The following SUMF1 variants were observed in gnomAD, a reference collection of about 807,000 sequenced individuals.
SUMF1 encodes the protein sulfatase modifying factor 1.
A neutral mutation model predicts 47.6 loss-of-function variants in SUMF1; 48 were observed. That is an observed-to-expected ratio of 1.01 (90% CI 0.80 to 1.28). The LOEUF (loss-of-function observed/expected upper bound fraction) is 1.28. Among genes scored for constraint, SUMF1 ranks in the 50% most tolerant of loss-of-function variants. SUMF1 has a pLI of 0.00. For missense variants in SUMF1, 571 were observed against 485.4 expected (o/e 1.18, Z -1.66); for synonymous variants, 230 against 192.1 (o/e 1.20, Z -1.63).
At chr3:4,301,338 AG>A (rs2125064142) in intron 8 of SUMF1, among the ~76,000 whole-genome samples, 1 of 152,326 alleles carries the variant, frequency 6.6e-6, no homozygotes, top group Non-Finnish European at 1.5e-5. Context: ...CCAAGGAAAT[AG>A]GTAAAGTCTG....
At chr3:4,178,077 A>T (rs900416780) in intron 8 of SUMF1, among the ~76,000 whole-genome samples, 2 of 152,160 alleles carry the variant, frequency 1.3e-5, no homozygotes, top group Non-Finnish European at 2.9e-5. Flanking sequence ...AAAGTCCAGG[A>T]CCAGACAGAT....
intron 4 of SUMF1, 92 bp downstream of exon 4, chr3:4,419,972 G>T: frequency 3.1e-6 from 3 of 971,360 alleles, no homozygotes; most frequent in South Asian, 2.7e-5. Context: ...TCATTTTATA[G>T]ATGAAGATGC....
Position 4,109,102 on chromosome 3 carries a change from T to A in SUMF1, c.1015-40357A>T, listed in dbSNP as rs183859924. ...CATGTTTAGTGCTTCCTTCAGGAGCTCTTTTAGGGCAGGCCTGGTGGTGAC... is the reference window on the plus strand; with the variant it reads ...CATGTTTAGTGCTTCCTTCAGGAGCACTTTTAGGGCAGGCCTGGTGGTGAC... On this transcript the variant is annotated intron_variant and NMD_transcript_variant, in intron 8 of 12. Coordinates refer to the SUMF1 transcript ENST00000448413. Among the ~76,000 whole-genome samples, 1,135 of 152,224 alleles carry A rather than the reference T, an allele frequency of 7.5e-3. 6 individuals are homozygous for A. Among genetic ancestry groups the A allele is most frequent in the Non-Finnish European group, 0.012 (784 of 68,030 alleles).
intron 7 of SUMF1, among the ~76,000 whole-genome samples, chr3:4,409,051 G>A (rs1701460748): frequency 6.6e-6 from 1 of 152,090 alleles, no homozygotes; most frequent in Non-Finnish European, 1.5e-5. Flanking sequence ...AGGCATTAAA[G>A]GATTTTAAAC....
At chr3:4,138,694 G>C (rs909538005) in intron 8 of SUMF1, among the ~76,000 whole-genome samples, 1 of 151,952 alleles carries the variant, frequency 6.6e-6, no homozygotes, top group Non-Finnish European at 1.5e-5. Context: ...TTCCTATTTG[G>C]GCCCCTTTCA....
chr3:4,229,242 G>C (rs1019158290), intron 8 of SUMF1: 2 of 285,094 alleles, frequency 7.0e-6, no homozygotes, highest in African/African-American at 4.6e-5. Context: ...GTTGTCACAA[G>C]AATCCACTGC....
At position 4,152,446 on chromosome 3, in the gene SUMF1, C is replaced by A. The variant is rs538986087; in HGVS notation, c.1015-83701G>T. ...AGAACTACAGGCACAGGCCCCAACACCCGGATTTGCTTTTTTTTTTTCTTT... is the reference window on the plus strand; with the variant it reads ...AGAACTACAGGCACAGGCCCCAACAACCGGATTTGCTTTTTTTTTTTCTTT... On this transcript the variant is annotated intron_variant and NMD_transcript_variant, in intron 8 of 12. Coordinates refer to the SUMF1 transcript ENST00000448413. 2.0e-5 allele frequency among the ~76,000 whole-genome samples: 3 copies of A among 151,304 alleles called. No homozygotes were observed. In the East Asian group the frequency reaches 5.8e-4, roughly 29 times the overall value.
At chr3:4,340,324 T>C (rs1699245018) in intron 8 of SUMF1, among the ~76,000 whole-genome samples, 3 of 152,172 alleles carry the variant, frequency 2.0e-5, no homozygotes, top group South Asian at 2.1e-4. Flanking sequence ...ACCATTCACA[T>C]TGTGCTTACC....
At chr3:4,425,284 G>A (rs1348065215) in intron 3 of SUMF1, among the ~76,000 whole-genome samples, 1 of 152,154 alleles carries the variant, frequency 6.6e-6, no homozygotes, top group Non-Finnish European at 1.5e-5. Flanking sequence ...CATCTGCAAA[G>A]TGGGGATAAA....
intron 1 of SUMF1, among the ~76,000 whole-genome samples, chr3:4,456,865 T>TACAC (rs1356002726): frequency 7.7e-6 from 1 of 130,000 alleles, no homozygotes; most frequent in African/African-American, 2.9e-5. Flanking sequence ...TATATATGTG[T>TACAC]GTGTATATCT....
chr3:4,310,207 A>G (rs535157350), intron 8 of SUMF1, among the ~76,000 whole-genome samples: 2 of 152,348 alleles, frequency 1.3e-5, no homozygotes, highest in Non-Finnish European at 2.9e-5. Context: ...TCGAAGTTTA[A>G]CCGCGTGGCA....
chr3:4,141,728 C>T (rs795296), intron 8 of SUMF1, among the ~76,000 whole-genome samples: 110,861 of 152,034 alleles, frequency 0.73, 40,633 homozygotes, highest in Admixed American at 0.8. Flanking sequence ...TATGGCACTT[C>T]ATCCACAGAC....
chr3:4,291,853 T>C (rs1369826231), intron 8 of SUMF1, among the ~76,000 whole-genome samples: 2 of 152,182 alleles, frequency 1.3e-5, no homozygotes, highest in Non-Finnish European at 2.9e-5. Context: ...TTAGAATAAA[T>C]TCTATCTTAA....
At chr3:4,423,279 TACACACACACACACACACAC>T (rs56729932) in intron 3 of SUMF1, among the ~76,000 whole-genome samples, 2 of 147,126 alleles carry the variant, frequency 1.4e-5, no homozygotes, top group South Asian at 2.2e-4. Flanking sequence ...GAAACTGTGA[TACACACACACACACACACAC>T]ACACACACAC....
At chr3:4,332,048 CAT>C (rs1404965169) in intron 8 of SUMF1, among the ~76,000 whole-genome samples, 3 of 152,102 alleles carry the variant, frequency 2.0e-5, no homozygotes, top group Non-Finnish European at 2.9e-5. Flanking sequence ...TTAATAAAGT[CAT>C]GTGAACTACA....
intron 8 of SUMF1, among the ~76,000 whole-genome samples, chr3:4,304,529 T>C (rs1698104396): frequency 6.6e-6 from 1 of 152,228 alleles, no homozygotes; most frequent in Non-Finnish European, 1.5e-5. Context: ...GAAAGAGCGC[T>C]GGACGTGGAA....
At position 4,136,231 on chromosome 3, in the gene SUMF1, C is replaced by A. The variant is rs560574874; in HGVS notation, c.1015-67486G>T. Among the ~76,000 whole-genome samples the A allele has an allele frequency of 3.9e-4, 59 of 152,240 alleles. 2 individuals are homozygous for A. Among genetic ancestry groups the A allele is most frequent in the African/African-American group, 1.3e-3 (55 of 41,526 alleles). On this transcript the variant is annotated intron_variant and NMD_transcript_variant, in intron 8 of 12. Coordinates refer to the SUMF1 transcript ENST00000448413. Reference sequence around the variant, plus strand: ...TGCTACCTGACTTCATACTATACTACAAGGCTACAGTAACCAAAACAGCAT... The same window carrying A: ...TGCTACCTGACTTCATACTATACTAAAAGGCTACAGTAACCAAAACAGCAT...
At chr3:4,252,936 T>C (rs1696839971) in intron 8 of SUMF1, among the ~76,000 whole-genome samples, 2 of 152,218 alleles carry the variant, frequency 1.3e-5, no homozygotes, top group South Asian at 4.1e-4. Context: ...AGTTCTCCAC[T>C]AACTCATTAC....
At chr3:4,185,342 C>T (rs1280990628) in intron 8 of SUMF1, among the ~76,000 whole-genome samples, 1 of 152,096 alleles carries the variant, frequency 6.6e-6, no homozygotes, top group Non-Finnish European at 1.5e-5. Context: ...AGTGATTTTC[C>T]AGCTCCAGGA....
Sources: allele counts gnomAD v4.1 joint callset (sites outside exome capture counted in the v4.1 genomes callset), GRCh38; gene constraint gnomAD v4.1.1; transcripts MANE v1.5; gene names NCBI Gene and HGNC (gene_info 2026-07-23, HGNC 2026-07-21).